PAM: variants seen among roughly 807,000 people sequenced by gnomAD.
PAM encodes peptidyl-glycine alpha-amidating monooxygenase.
PAM carries 72 observed loss-of-function variants against 122.1 expected under a neutral mutation model. That is an observed-to-expected ratio of 0.59 (90% CI 0.49 to 0.72). The LOEUF is 0.72. PAM is among the 30% of genes least tolerant of loss of function. The probability of loss-of-function intolerance (pLI) is 0.00; values close to 1 mark genes in which losing one functional copy is unlikely to be tolerated. For synonymous variants in PAM, 389 were observed against 404.4 expected, an observed-to-expected ratio of 0.96 and a Z score of 0.46; for missense variants, 1,106 against 1,183.7, an observed-to-expected ratio of 0.93 and a Z score of 0.96.
At chr5:102,834,090 G>T (rs80134320) in intron 1 of PAM, among the ~76,000 whole-genome samples, 4,614 of 152,076 alleles carry the variant, frequency 0.03, 109 homozygotes, top group Non-Finnish European at 0.049. Flanking sequence ...TCACATAAAA[G>T]GTTTTATGAA....
intron 3 of PAM, among the ~76,000 whole-genome samples, chr5:102,878,559 A>T (rs927337321): frequency 6.6e-6 from 1 of 152,144 alleles, no homozygotes; most frequent in Non-Finnish European, 1.5e-5. Context: ...GAGGTATTTG[A>T]GAAGAAGGCA....
At chr5:102,961,251 A>G (rs1762405130) in intron 14 of PAM, 22 bp downstream of exon 14, 3 of 1,315,634 alleles carry the variant, frequency 2.3e-6, no homozygotes, top group Admixed American at 1.7e-5. Flanking sequence ...TATTTCTATA[A>G]CTAGTCCTAT....
chr5:102,779,886 C>CATATATATATATATAT (rs767088116), intron 1 of PAM, among the ~76,000 whole-genome samples: 6 of 81,042 alleles, frequency 7.4e-5, no homozygotes, highest in East Asian at 8.2e-4. Flanking sequence ...CTCCCATATA[C>CATATATATATATATAT]ATATATATAT....
Position 102,922,589 on chromosome 5 carries a change from T to A in PAM, c.357-2368T>A, listed in dbSNP as rs1297265180. On this transcript the variant is annotated intron_variant, in intron 5 of 25. Transcript: ENST00000438793. ...GATTTTGAGCCAACAAATGACATAA[T>A]CAAATGTATAACTTAGAAAAAGTTA... Among the ~76,000 whole-genome samples the A allele has an allele frequency of 3.9e-5, 6 of 152,320 alleles. No individual in the cohort carries two copies. In the East Asian group the frequency reaches 1.2e-3, roughly 29 times the overall value.
Position 102,990,402 on chromosome 5 carries a change from G to A in PAM, c.1613+1G>A, listed in dbSNP as rs1159019572. The stretch of plus-strand genomic sequence containing the variant: ...GAGGTGACCATGTCTGGGATGGAAA[G>A]TAAGTAATATTTTTTCTTCAATAAG... On this transcript the variant is annotated splice_donor_variant, in intron 16 of 25. Transcript: ENST00000438793. LOFTEE classifies it high-confidence loss of function. 1 of 1,575,876 alleles carries A rather than the reference G, an allele frequency of 6.3e-7. No homozygotes were observed. Among genetic ancestry groups the A allele is most frequent in the Non-Finnish European group, 8.6e-7 (1 of 1,158,080 alleles).
At chr5:102,941,391 A>T (rs546963732) in intron 7 of PAM, among the ~76,000 whole-genome samples, 12 of 152,350 alleles carry the variant, frequency 7.9e-5, no homozygotes, top group African/African-American at 2.9e-4. Flanking sequence ...ACAGCTTCAA[A>T]AGGAATTGTT....
intron 15 of PAM, among the ~76,000 whole-genome samples, chr5:102,977,856 T>C (rs895091098): frequency 6.6e-6 from 1 of 152,134 alleles, no homozygotes; most frequent in African/African-American, 2.4e-5. Context: ...GTGGTCTCTA[T>C]GCAAGTATAA....
intron 15 of PAM, among the ~76,000 whole-genome samples, chr5:102,985,632 C>T (rs140182936): frequency 5.7e-4 from 86 of 152,036 alleles, no homozygotes; most frequent in Non-Finnish European, 2.4e-4. Flanking sequence ...AAGAAAAGCC[C>T]AGGACCAGAT....
intron 4 of PAM, 94 bp downstream of exon 4, chr5:102,901,507 A>G: frequency 1.4e-6 from 1 of 730,062 alleles, no homozygotes. Context: ...TGAGCATATT[A>G]ATCTTTTACT....
intron 16 of PAM, 113 bp downstream of exon 16, chr5:102,990,514 CT>C: frequency 1.5e-6 from 1 of 679,736 alleles, no homozygotes; most frequent in Non-Finnish European, 2.2e-6. Context: ...TAGAATTTGA[CT>C]TTTATGAGCA....
intron 1 of PAM, among the ~76,000 whole-genome samples, chr5:102,805,099 C>A (rs1224310126): frequency 2.1e-4 from 28 of 133,048 alleles, no homozygotes; most frequent in Admixed American, 2.0e-3. Context: ...GAGACGGAGC[C>A]TCTCTCTGTT....
intron 3 of PAM, among the ~76,000 whole-genome samples, chr5:102,870,542 TC>T (rs1159480100): frequency 6.6e-6 from 1 of 152,178 alleles, no homozygotes; most frequent in Non-Finnish European, 1.5e-5. Context: ...TTAAACTAGA[TC>T]CAGTGAGTCT....
chr5:102,905,811 G>C (rs1184156587), intron 4 of PAM, among the ~76,000 whole-genome samples: 1 of 151,604 alleles, frequency 6.6e-6, no homozygotes, highest in Non-Finnish European at 1.5e-5. Flanking sequence ...TCTTCAACTA[G>C]GACTTCTTTC....
intron 1 of PAM, among the ~76,000 whole-genome samples, chr5:102,832,813 C>T (rs1486198295): frequency 6.6e-6 from 1 of 152,122 alleles, no homozygotes. Flanking sequence ...AGAACCAATA[C>T]TGGACAAAAT....
chr5:102,959,894 A>G lies in PAM; in HGVS notation c.925A>G (p.Met309Val). Residue 309 changes from methionine (M) to valine (V), a missense_variant, in exon 13 of 26, where the codon ATG becomes GTG. Around this residue, in one of 3 missense-constraint regions of PAM, gnomAD observed 670 missense variants for 690.3 expected, o/e 0.97. Transcript: ENST00000438793. Reference protein sequence around the residue: ...THIGGTSSDEMCNLYIMYYME... With the variant: ...THIGGTSSDEVCNLYIMYYME... Reference sequence around the variant, plus strand: ...CTGCAGTGGCACGTCTAGTGATGAAATGTGCAACTTATACATTATGTATTA... The same window carrying G: ...CTGCAGTGGCACGTCTAGTGATGAAGTGTGCAACTTATACATTATGTATTA... 2 of 1,611,866 alleles carry G rather than the reference A, an allele frequency of 1.2e-6. No individual in the cohort carries two copies. The highest frequency in any genetic ancestry group is 1.7e-6 in the Non-Finnish European group (2 of 1,178,474).
At chr5:102,899,826 G>A (rs971530878) in intron 3 of PAM, among the ~76,000 whole-genome samples, 1 of 151,660 alleles carries the variant, frequency 6.6e-6, no homozygotes, top group African/African-American at 2.4e-5. Context: ...AAGCTGGGGT[G>A]TGGTGAGGGA....
intron 1 of PAM, among the ~76,000 whole-genome samples, chr5:102,830,579 G>C (rs1246150924): frequency 6.6e-6 from 1 of 152,136 alleles, no homozygotes; most frequent in South Asian, 2.1e-4. Context: ...GAAGTTCTGG[G>C]TATTAAGCTG....
intron 16 of PAM, among the ~76,000 whole-genome samples, chr5:102,992,594 T>C (rs992067570): frequency 2.0e-5 from 3 of 152,118 alleles, no homozygotes; most frequent in Admixed American, 2.0e-4. Context: ...ATTCTATAAA[T>C]TGGATGAAGT....
Position 102,867,320 on chromosome 5 carries a change from C to G in PAM, c.137C>G (p.Thr46Ser). 1 of 1,603,292 alleles carries G rather than the reference C, an allele frequency of 6.2e-7. No homozygotes were observed. ...RPFSNECLGT[T>S]RPVVPIDSSD... is the part of the protein sequence containing the mutation. Reference sequence around the variant, plus strand: ...TTTTCCAATGAATGTCTTGGTACCACCAGACCCGTAGTTCCTATTGATTCA... The same window carrying G: ...TTTTCCAATGAATGTCTTGGTACCAGCAGACCCGTAGTTCCTATTGATTCA... The change falls in exon 3 of 26, where the codon ACC (threonine) becomes AGC (serine). Residue 46 changes from threonine (T) to serine (S), a missense_variant. Thr to Ser is a moderately conservative substitution (Grantham distance 58). This residue lies in a region of PAM where 670 missense variants were observed against 690.3 expected (regional missense o/e 0.97). Coordinates refer to ENST00000438793, the MANE Select transcript of PAM (RefSeq NM_001177306.2).
Sources: allele counts gnomAD v4.1 joint callset (sites outside exome capture counted in the v4.1 genomes callset), GRCh38; gene constraint gnomAD v4.1.1; regional missense constraint gnomAD v4.1.1; transcripts MANE v1.5; gene names NCBI Gene and HGNC (gene_info 2026-07-23, HGNC 2026-07-21).